The following STXBP6 variants were observed in gnomAD, a reference collection of about 807,000 sequenced individuals.
STXBP6 encodes the protein syntaxin binding protein 6, also known as syntaxin-binding protein 6.
A neutral mutation model predicts 26.9 loss-of-function variants in STXBP6; 21 were observed. The observed-to-expected ratio is 0.78, with a 90% CI of 0.55 to 1.12. The LOEUF (loss-of-function observed/expected upper bound fraction) is 1.12. STXBP6 is among the 50% of genes most tolerant of loss of function. The pLI is 0.00. For synonymous variants in STXBP6, 97 were observed against 92.6 expected (o/e 1.05, Z -0.27); for missense variants, 232 against 257.9 (o/e 0.90, Z 0.69).
chr14:24,999,789 AG>A (rs1172004769), intron 1 of STXBP6, among the ~76,000 whole-genome samples: 3 of 152,140 alleles, frequency 2.0e-5, no homozygotes, highest in Non-Finnish European at 2.9e-5. Flanking sequence ...CAAAGCCCAG[AG>A]GGGAGACAAA....
At chr14:24,816,175 G>A (rs1321940069) in intron 5 of STXBP6, 1 of 152,184 alleles carries the variant, frequency 6.6e-6, no homozygotes, top group African/African-American at 2.4e-5. Context: ...TTCAGCTCAG[G>A]ACTCTGCCAT....
At chr14:24,992,805 C>A (rs1416605217) in intron 1 of STXBP6, among the ~76,000 whole-genome samples, 1 of 152,136 alleles carries the variant, frequency 6.6e-6, no homozygotes, top group Non-Finnish European at 1.5e-5. Context: ...GGAGAATCAA[C>A]CATAAGTAAC....
Position 24,947,135 on chromosome 14 carries a change from C to T in STXBP6, c.154+27530G>A, listed in dbSNP as rs552764102. Among the ~76,000 whole-genome samples, 4 of 152,168 alleles carry T rather than the reference C, an allele frequency of 2.6e-5. No homozygotes were observed. The South Asian group carries it at 8.3e-4, about 32-fold the overall frequency. ...AGTCTCCCCAAATAATCTACTCTTG[C>T]TTAAAAAGGTGAAAGGGGTCTTTGG... is the stretch of plus-strand genomic sequence containing the variant. On this transcript the variant is annotated intron_variant, in intron 2 of 5. Transcript: ENST00000323944.
At chr14:25,014,649 T>G (rs1171568113) in intron 1 of STXBP6, among the ~76,000 whole-genome samples, 1 of 152,200 alleles carries the variant, frequency 6.6e-6, no homozygotes, top group Non-Finnish European at 1.5e-5. Context: ...AGCCAAAGAT[T>G]TGCAAAGGTG....
chr14:24,823,993 A>AT (rs2068213267), intron 4 of STXBP6, among the ~76,000 whole-genome samples: 1 of 152,118 alleles, frequency 6.6e-6, no homozygotes. Flanking sequence ...CTACTGAGTT[A>AT]TTTTTCTTAG....
At chr14:24,823,951 C>T (rs1035490716) in intron 4 of STXBP6, among the ~76,000 whole-genome samples, 11 of 152,112 alleles carry the variant, frequency 7.2e-5, no homozygotes, top group East Asian at 1.9e-4. Context: ...TTATTCTCTG[C>T]GTAGATGAAG....
intron 1 of STXBP6, among the ~76,000 whole-genome samples, chr14:24,984,316 C>T (rs1238851208): frequency 1.3e-5 from 2 of 152,162 alleles, no homozygotes; most frequent in African/African-American, 4.8e-5. Context: ...GAGAATATCA[C>T]CACTTTACAA....
At chr14:25,001,740 T>C (rs1234219349) in intron 1 of STXBP6, among the ~76,000 whole-genome samples, 1 of 152,262 alleles carries the variant, frequency 6.6e-6, no homozygotes, top group Non-Finnish European at 1.5e-5. Context: ...ACTTTGTCTC[T>C]TCAGACTGTG....
chr14:24,919,739 G>A (rs1029395848), intron 2 of STXBP6, among the ~76,000 whole-genome samples: 3 of 151,970 alleles, frequency 2.0e-5, no homozygotes, highest in African/African-American at 7.2e-5. Flanking sequence ...TTAAATAAAT[G>A]AGTATTTGTT....
intron 5 of STXBP6, among the ~76,000 whole-genome samples, chr14:24,815,265 T>C (rs1202519780): frequency 2.6e-5 from 4 of 152,096 alleles, no homozygotes; most frequent in Non-Finnish European, 4.4e-5. Flanking sequence ...TCAGAGTTGT[T>C]AAAATTTCAA....
intron 2 of STXBP6, among the ~76,000 whole-genome samples, chr14:24,896,154 G>A (rs1032308009): frequency 9.2e-5 from 14 of 151,982 alleles, no homozygotes; most frequent in African/African-American, 3.1e-4. Flanking sequence ...TGAATTCTTC[G>A]GCTTTCAAAA....
intron 2 of STXBP6, among the ~76,000 whole-genome samples, chr14:24,906,792 A>AT (rs1266471994): frequency 6.6e-6 from 1 of 152,198 alleles, no homozygotes; most frequent in African/African-American, 2.4e-5. Context: ...TAGTAGGAAA[A>AT]TATCAGGTCA....
chr14:24,990,112 G>A (rs2074427963), intron 1 of STXBP6, among the ~76,000 whole-genome samples: 1 of 152,202 alleles, frequency 6.6e-6, no homozygotes, highest in African/African-American at 2.4e-5. Flanking sequence ...TTACCTATAA[G>A]GATTGGCTTA....
intron 2 of STXBP6, among the ~76,000 whole-genome samples, chr14:24,958,405 C>G (rs1274784361): frequency 6.6e-6 from 1 of 152,128 alleles, no homozygotes; most frequent in African/African-American, 2.4e-5. Flanking sequence ...AGCCCAGACT[C>G]AAAGAGCTCA....
intron 2 of STXBP6, among the ~76,000 whole-genome samples, chr14:24,859,838 C>G (rs1443482228): frequency 6.6e-6 from 1 of 152,148 alleles, no homozygotes; most frequent in African/African-American, 2.4e-5. Flanking sequence ...GGTATGACTC[C>G]CAGGTAATAC....
intron 2 of STXBP6, among the ~76,000 whole-genome samples, chr14:24,859,644 G>A (rs146011536): frequency 2.1e-3 from 326 of 152,236 alleles, no homozygotes; most frequent in African/African-American, 7.6e-3. Context: ...CCAAAGGAAA[G>A]CTAATTGACA....
At position 24,881,759 on chromosome 14, in the gene STXBP6, C is replaced by T. The variant is rs192514312; in HGVS notation, c.155-24602G>A. 1.2e-4 allele frequency among the ~76,000 whole-genome samples: 18 copies of T among 152,242 alleles called. 1 individual carries two copies. Among genetic ancestry groups the T allele is most frequent in the Admixed American group, 9.2e-4 (14 of 15,300 alleles). ...AAATAATGACAATGTTAAGAGTAGG[C>T]CTAGCTCCAGTCATCACTCTGAAAT... On this transcript the variant is annotated intron_variant, in intron 2 of 5. Transcript: ENST00000323944.
In STXBP6 at chr14:24,812,734, T is replaced by C; in HGVS notation, c.610-2A>G. ...TCAACATTTGTGCTTCATGGCAAGC[T>C]AAGGAGAGAGAGGAATGAGAAAAGT... On this transcript the variant is annotated splice_acceptor_variant, in intron 5 of 5. Transcript: ENST00000323944. LOFTEE classifies it high-confidence loss of function. 6.2e-7 allele frequency: 1 copy of C among 1,613,720 alleles called. No individual in the cohort carries two copies. Among genetic ancestry groups the C allele is most frequent in the Non-Finnish European group, 8.5e-7 (1 of 1,179,720 alleles).
chr14:25,025,136 G>T (rs1029808106), intron 1 of STXBP6, among the ~76,000 whole-genome samples: 4 of 151,640 alleles, frequency 2.6e-5, no homozygotes, highest in Non-Finnish European at 5.9e-5. Context: ...TGTGGGATTT[G>T]AATAAGACAG....
Sources: gnomAD v4.1 joint callset for allele counts (sites outside exome capture counted in the v4.1 genomes callset) on GRCh38, gnomAD v4.1.1 for gene constraint, MANE v1.5 for transcripts, NCBI Gene and HGNC (gene_info 2026-07-23, HGNC 2026-07-21) for gene names.